The following PSMB7 variants were observed in gnomAD, a reference collection of about 807,000 sequenced individuals.
PSMB7 encodes proteasome subunit beta type-7.
In PSMB7, 5 loss-of-function variants were observed where a neutral mutation model predicts 28.1. The observed-to-expected ratio is 0.18, with a 90% CI of 0.09 to 0.37. The LOEUF is 0.37. PSMB7 is among the 10% of genes least tolerant of loss of function. PSMB7 has a pLI of 1.00. For missense variants in PSMB7, 275 were observed against 346.2 expected (o/e 0.79, Z 1.63); for synonymous variants, 122 against 123.7 (o/e 0.99, Z 0.09).
intron 4 of PSMB7, among the ~76,000 whole-genome samples, chr9:124,411,492 G>C (rs868329148): frequency 3.3e-5 from 5 of 152,148 alleles, no homozygotes; most frequent in African/African-American, 7.2e-5. Flanking sequence ...AAGGAAAAAG[G>C]CAAAGAATTT....
intron 6 of PSMB7, among the ~76,000 whole-genome samples, chr9:124,366,993 T>C (rs933946927): frequency 6.6e-6 from 1 of 152,270 alleles, no homozygotes; most frequent in African/African-American, 2.4e-5. Flanking sequence ...AATGTGTCCC[T>C]GTCGTTAAGC....
At chr9:124,377,016 T>C (rs1830617368) in intron 6 of PSMB7, among the ~76,000 whole-genome samples, 1 of 152,246 alleles carries the variant, frequency 6.6e-6, no homozygotes, top group Non-Finnish European at 1.5e-5. Flanking sequence ...TATCTATCTA[T>C]ATCATGCTAT....
At chr9:124,380,748 T>C (rs1471264585) in intron 6 of PSMB7, among the ~76,000 whole-genome samples, 1 of 152,232 alleles carries the variant, frequency 6.6e-6, no homozygotes. Flanking sequence ...CATTGAACTC[T>C]ACACTCAAGA....
At position 124,393,514 on chromosome 9, in the gene PSMB7, A is replaced by G. The variant is rs189804539; in HGVS notation, c.512-8858T>C. Among the ~76,000 whole-genome samples, 413 of 152,382 alleles carry G rather than the reference A, an allele frequency of 2.7e-3. 1 individual carries two copies. Among genetic ancestry groups the G allele is most frequent in the African/African-American group, 9.7e-3 (404 of 41,584 alleles). Reference sequence around the variant, plus strand: ...ACCTTTTATTCCCAATGAATTTAAAAAAGTATTCCATTTAATTTGCTAAAA... The same window carrying G: ...ACCTTTTATTCCCAATGAATTTAAAGAAGTATTCCATTTAATTTGCTAAAA... On this transcript the variant is annotated intron_variant, in intron 5 of 7. Coordinates refer to ENST00000259457, the MANE Select transcript of PSMB7 (RefSeq NM_002799.4).
intron 3 of PSMB7, among the ~76,000 whole-genome samples, chr9:124,413,475 G>T (rs1445595737): frequency 1.3e-5 from 2 of 152,114 alleles, no homozygotes; most frequent in African/African-American, 2.4e-5. Context: ...TTAAGAAAGG[G>T]ATGCCATCAG....
At chr9:124,389,662 C>T (rs1223743326) in intron 5 of PSMB7, among the ~76,000 whole-genome samples, 1 of 152,140 alleles carries the variant, frequency 6.6e-6, no homozygotes, top group East Asian at 1.9e-4. Context: ...GGCACTCCCC[C>T]ATCCACTGCA....
At chr9:124,394,610 A>C (rs983436458) in intron 5 of PSMB7, among the ~76,000 whole-genome samples, 73 of 152,208 alleles carry the variant, frequency 4.8e-4, no homozygotes, top group Non-Finnish European at 4.0e-4. Flanking sequence ...CCCATACATT[A>C]ATTCAATACC....
Position 124,353,575 on chromosome 9 carries a change from G to A in PSMB7, c.*23C>T, listed in dbSNP as rs376017630. ...AATGCTCACCACCTTCCAGAACCGC[G>A]GCCAGCCACCCACTGATGCCATTCA... On this transcript the variant is annotated 3_prime_UTR_variant, in exon 8 of 8. Coordinates refer to ENST00000259457, the MANE Select transcript of PSMB7 (RefSeq NM_002799.4). 637 of 1,542,162 alleles carry A rather than the reference G, an allele frequency of 4.1e-4. 8 individuals are homozygous for A. The highest frequency in any genetic ancestry group is 3.6e-3 in the South Asian group (323 of 89,554).
At chr9:124,372,838 C>G (rs1588571174) in intron 6 of PSMB7, among the ~76,000 whole-genome samples, 1 of 152,310 alleles carries the variant, frequency 6.6e-6, no homozygotes, top group East Asian at 1.9e-4. Flanking sequence ...ACTAACGAAT[C>G]CTAGAGAATC....
rs544944016 is a variant in PSMB7, at chr9:124,356,056, G to A, written c.722+708C>T. On this transcript the variant is annotated intron_variant, in intron 7 of 7. Transcript: ENST00000259457. This position sits in a 1 kb window ranked among gnomAD's most constrained non-coding sequence, Gnocchi z 4.4. ...GCTGCAGCTGGAAGCAGCACTCAGGGAGCCCATCCTGACCTGCCCGGGCTC... is the reference window on the plus strand; with the variant it reads ...GCTGCAGCTGGAAGCAGCACTCAGGAAGCCCATCCTGACCTGCCCGGGCTC... Among the ~76,000 whole-genome samples, 137 of 152,194 alleles carry A rather than the reference G, an allele frequency of 9.0e-4. No homozygotes were observed. The highest frequency in any genetic ancestry group is 3.2e-3 in the African/African-American group (132 of 41,510).
chr9:124,359,092 TGCA>T (rs1830442965), intron 6 of PSMB7, among the ~76,000 whole-genome samples: 4 of 152,242 alleles, frequency 2.6e-5, no homozygotes, highest in African/African-American at 9.6e-5. Flanking sequence ...CTTTAAAATA[TGCA>T]AATTTTAAAA....
intron 4 of PSMB7, among the ~76,000 whole-genome samples, chr9:124,405,974 C>G (rs1015994711): frequency 1.3e-5 from 2 of 152,150 alleles, no homozygotes; most frequent in African/African-American, 2.4e-5. Flanking sequence ...GTGTGAGCCA[C>G]CACACCCAGC....
intron 2 of PSMB7, among the ~76,000 whole-genome samples, 200 bp from the exon 3 acceptor site, chr9:124,414,205 C>A (rs1270920787): frequency 6.6e-6 from 1 of 152,138 alleles, no homozygotes; most frequent in Non-Finnish European, 1.5e-5. Flanking sequence ...CTAATTGAAT[C>A]CTGAGTAGGT....
chr9:124,384,104 C>T (rs1830694456), intron 6 of PSMB7: 1 of 153,194 alleles, frequency 6.5e-6, no homozygotes, highest in Non-Finnish European at 1.5e-5. Context: ...GATCATTACG[C>T]TCTGAGATGA....
At chr9:124,359,178 T>C (rs1830444930) in intron 6 of PSMB7, among the ~76,000 whole-genome samples, 1 of 152,218 alleles carries the variant, frequency 6.6e-6, no homozygotes, top group East Asian at 1.9e-4. Context: ...CTTTTTTAAA[T>C]TGGGAAAATA....
At chr9:124,364,311 C>T (rs900755808) in intron 6 of PSMB7, among the ~76,000 whole-genome samples, 9 of 152,256 alleles carry the variant, frequency 5.9e-5, no homozygotes, top group African/African-American at 1.9e-4. Flanking sequence ...GCCTGTCTTC[C>T]TATCCCACCA....
intron 6 of PSMB7, among the ~76,000 whole-genome samples, chr9:124,364,826 T>G (rs960745401): frequency 6.6e-6 from 1 of 152,188 alleles, no homozygotes; most frequent in East Asian, 1.9e-4. Context: ...AATCCAGTCC[T>G]GTCAGAAGCA....
At chr9:124,411,849 T>C (rs1213771102) in intron 4 of PSMB7, among the ~76,000 whole-genome samples, 2 of 152,186 alleles carry the variant, frequency 1.3e-5, no homozygotes, top group South Asian at 2.1e-4. Flanking sequence ...CGCTTTAGCA[T>C]AGGTCCTGGA....
intron 4 of PSMB7, among the ~76,000 whole-genome samples, chr9:124,408,047 C>G (rs1418370622): frequency 2.0e-5 from 3 of 152,076 alleles, no homozygotes; most frequent in Admixed American, 6.5e-5. Context: ...CCTTTAGTCC[C>G]AGCTACTCAG....
Sources: gnomAD v4.1 joint callset for allele counts (sites outside exome capture counted in the v4.1 genomes callset) on GRCh38, gnomAD v4.1.1 for gene constraint, Gnocchi (gnomAD v3.1) non-coding constraint, MANE v1.5 for transcripts, NCBI Gene and HGNC (gene_info 2026-07-23, HGNC 2026-07-21) for gene names.